Variants in PDZD2 observed in about 807,000 individuals in gnomAD.
PDZD2 encodes the protein PDZ domain containing 2, also known as PDZ domain-containing protein 2.
Under a neutral mutation model 220.7 loss-of-function variants are expected in PDZD2, and 90 were observed. That is an observed-to-expected ratio of 0.41 (90% CI 0.34 to 0.49). The LOEUF is 0.49. PDZD2 is among the 20% of genes least tolerant of loss of function. The pLI is 0.28. For missense variants in PDZD2, 3,174 were observed against 3,608.5 expected (o/e 0.88, Z 3.08); for synonymous variants, 1,375 against 1,450.5 (o/e 0.95, Z 1.18).
intron 1 of PDZD2, among the ~76,000 whole-genome samples, chr5:31,714,443 A>G (rs1042167106): frequency 6.6e-6 from 1 of 152,226 alleles, no homozygotes; most frequent in African/African-American, 2.4e-5. Context: ...TAAAGACTCC[A>G]GAAAGGGAAA....
intron 2 of PDZD2, among the ~76,000 whole-genome samples, chr5:31,913,400 A>G (rs1743379080): frequency 6.6e-6 from 1 of 152,140 alleles, no homozygotes; most frequent in Admixed American, 6.6e-5. Flanking sequence ...GATTTAGCCC[A>G]TGGTCTGCAT....
At chr5:32,041,359 C>T (rs977412051) in intron 7 of PDZD2, among the ~76,000 whole-genome samples, 2 of 152,106 alleles carry the variant, frequency 1.3e-5, no homozygotes, top group African/African-American at 2.4e-5. Context: ...CAGCGACCAT[C>T]GAGAACGGGC....
intron 2 of PDZD2, among the ~76,000 whole-genome samples, chr5:31,880,791 C>CTTTTT (rs1037018187): frequency 7.8e-5 from 6 of 76,468 alleles, no homozygotes; most frequent in Admixed American, 1.4e-4. Context: ...TTTTTTTTTT[C>CTTTTT]TTTTTTTTTT....
At position 31,666,148 on chromosome 5, in the gene PDZD2, G is replaced by A. The variant is rs1422354458; in HGVS notation, c.-361+26711G>A. Among the ~76,000 whole-genome samples, 7 of 152,304 alleles carry A rather than the reference G, an allele frequency of 4.6e-5. No individual in the cohort carries two copies. The South Asian group carries it at 1.2e-3, about 27-fold the overall frequency. ...TTTTCAAATGCCAGTTGAGGAGTGG[G>A]ACATCGAGATCGAGGCAGGGCCCTT... On this transcript the variant is annotated intron_variant, in intron 1 of 24. Coordinates refer to ENST00000438447, the MANE Select transcript of PDZD2 (RefSeq NM_178140.4).
intron 2 of PDZD2, among the ~76,000 whole-genome samples, chr5:31,978,801 C>T (rs554204601): frequency 3.2e-4 from 48 of 152,124 alleles, no homozygotes; most frequent in Non-Finnish European, 6.6e-4. Flanking sequence ...CATTCATTGC[C>T]CTTTGTCTGC....
In PDZD2 at chr5:32,000,021, C is replaced by A; in HGVS notation, c.1122-118C>A. ...CAACTGCCTCTGGCCATCACAGTAT[C>A]CTCTTTAGCCCAATCTTAACCGTCC... On this transcript the variant is annotated intron_variant, in intron 4 of 24. Coordinates refer to ENST00000438447, the MANE Select transcript of PDZD2 (RefSeq NM_178140.4). This position sits in a 1 kb window ranked among gnomAD's most constrained non-coding sequence, Gnocchi z 4.5. 1.3e-6 allele frequency: 1 copy of A among 785,360 alleles called. No homozygotes were observed. The highest frequency in any genetic ancestry group is 2.1e-6 in the Non-Finnish European group (1 of 476,432). The allele number at this position is 785,360 out of a possible 1,614,324, so 48.6% of individuals were successfully genotyped here. A position where few individuals can be genotyped will look rare whatever the true frequency, so the allele number is the denominator to read the frequency against.
chr5:31,937,920 C>T (rs2150399306), intron 2 of PDZD2, among the ~76,000 whole-genome samples: 1 of 152,358 alleles, frequency 6.6e-6, no homozygotes, highest in East Asian at 1.9e-4. Context: ...CAAATCCAGA[C>T]TGCCCTAGCC....
At chr5:32,033,146 A>G (rs966973427) in intron 6 of PDZD2, among the ~76,000 whole-genome samples, 2 of 152,228 alleles carry the variant, frequency 1.3e-5, no homozygotes, top group Non-Finnish European at 2.9e-5. Flanking sequence ...CGCTGAACTG[A>G]AGGCCTTCCA....
At position 31,886,979 on chromosome 5, in the gene PDZD2, G is replaced by T. The variant is rs143070221; in HGVS notation, c.476+87255G>T. Among the ~76,000 whole-genome samples the T allele has an allele frequency of 8.5e-5, 13 of 152,298 alleles. No individual in the cohort carries two copies. In the South Asian group the frequency reaches 2.7e-3, roughly 32 times the overall value. On this transcript the variant is annotated intron_variant, in intron 2 of 24. Transcript: ENST00000438447. ...CTCCTGAAGTGCTGGAATTGTAGGC[G>T]TGAGCCACCACGCCTGGTCTCTGTA...
chr5:31,888,614 C>T (rs1011259281), intron 2 of PDZD2, among the ~76,000 whole-genome samples: 1 of 152,178 alleles, frequency 6.6e-6, no homozygotes, highest in African/African-American at 2.4e-5. Flanking sequence ...CTCTACAAGG[C>T]ATGTGAAATT....
chr5:31,855,109 C>G (rs182665702), intron 2 of PDZD2: 2 of 985,376 alleles, frequency 2.0e-6, no homozygotes, highest in South Asian at 4.7e-5. Context: ...CAGCTGCTGC[C>G]GGCGGAGACT....
intron 3 of PDZD2, among the ~76,000 whole-genome samples, chr5:31,992,409 AT>A (rs1442309657): frequency 6.7e-6 from 1 of 148,324 alleles, no homozygotes; most frequent in Non-Finnish European, 1.5e-5. Flanking sequence ...GGTGCTCTTG[AT>A]GGAAAGTGTC....
At chr5:31,677,680 T>C (rs902145308) in intron 1 of PDZD2, among the ~76,000 whole-genome samples, 1 of 150,960 alleles carries the variant, frequency 6.6e-6, no homozygotes, top group Admixed American at 6.6e-5. Flanking sequence ...TATTTAGTGA[T>C]AAAAAGAAAT....
chr5:32,061,961 G>C (rs1328849059), intron 14 of PDZD2, among the ~76,000 whole-genome samples: 1 of 152,144 alleles, frequency 6.6e-6, no homozygotes, highest in African/African-American at 2.4e-5. Flanking sequence ...AAATAGAGAT[G>C]GGGTCTTGCT....
chr5:31,890,224 TC>T (rs1454746526), intron 2 of PDZD2, among the ~76,000 whole-genome samples: 1 of 148,498 alleles, frequency 6.7e-6, no homozygotes. Context: ...ATGGCGGTGT[TC>T]TTTCTGTGAG....
intron 2 of PDZD2, among the ~76,000 whole-genome samples, chr5:31,946,788 C>T (rs1318315605): frequency 6.6e-6 from 1 of 152,198 alleles, no homozygotes; most frequent in Admixed American, 6.5e-5. Context: ...AACTTCTGGG[C>T]TCAAGCAATC....
At chr5:31,935,453 C>A (rs1745641912) in intron 2 of PDZD2, among the ~76,000 whole-genome samples, 1 of 152,158 alleles carries the variant, frequency 6.6e-6, no homozygotes. Context: ...AGGATTTTTT[C>A]AGCAACTCAA....
In PDZD2 at chr5:31,799,001, C is replaced by A; in HGVS notation, c.-248C>A. The A allele has an allele frequency of 2.1e-6, 1 of 486,552 alleles. No individual in the cohort carries two copies. The highest frequency in any genetic ancestry group is 1.9e-5 in the African/African-American group (1 of 52,506). The allele number at this position is 486,552 out of a possible 1,614,324, so 30.1% of individuals were successfully genotyped here. On this transcript the variant is annotated 5_prime_UTR_variant, in exon 2 of 25. Coordinates refer to ENST00000438447, the MANE Select transcript of PDZD2 (RefSeq NM_178140.4). ...GAACCTGGCAGGGACTTGTTAGACA[C>A]TTCCTTCCTTCCCTCATTGAGCACT...
intron 1 of PDZD2, among the ~76,000 whole-genome samples, chr5:31,759,015 A>G (rs1346732714): frequency 6.6e-6 from 1 of 151,852 alleles, no homozygotes; most frequent in African/African-American, 2.4e-5. Context: ...AGGTCCTCAC[A>G]CTGGATGAGC....
Sources: gnomAD v4.1 joint callset for allele counts (sites outside exome capture counted in the v4.1 genomes callset) on GRCh38, gnomAD v4.1.1 for gene constraint, Gnocchi (gnomAD v3.1) non-coding constraint, MANE v1.5 for transcripts, NCBI Gene and HGNC (gene_info 2026-07-23, HGNC 2026-07-21) for gene names.